ADAMTSL1: variants seen among roughly 807,000 people sequenced by gnomAD.
ADAMTSL1 encodes ADAMTS like 1.
A neutral mutation model predicts 201.8 loss-of-function variants in ADAMTSL1; 126 were observed. The ratio of observed to expected loss-of-function variants is 0.62; its 90% CI spans 0.54 to 0.72. The LOEUF (loss-of-function observed/expected upper bound fraction) is 0.72. Among genes scored for constraint, ADAMTSL1 ranks in the 30% least tolerant of loss-of-function variants. ADAMTSL1 has a pLI of 0.00. For synonymous variants in ADAMTSL1, 1,121 were observed against 903.4 expected, an observed-to-expected ratio of 1.24 and a Z score of -4.32; for missense variants, 2,679 against 2,277.8, an observed-to-expected ratio of 1.18 and a Z score of -3.59.
At chr9:18,564,561 C>G (rs1251143870) in intron 3 of ADAMTSL1, among the ~76,000 whole-genome samples, 1 of 152,190 alleles carries the variant, frequency 6.6e-6, no homozygotes, top group Non-Finnish European at 1.5e-5. Context: ...TGAAATAGCT[C>G]TCCTATACTA....
chr9:18,052,492 C>T (rs1209557944), intron 1 of ADAMTSL1, among the ~76,000 whole-genome samples: 1 of 152,060 alleles, frequency 6.6e-6, no homozygotes. Context: ...TGAGAGTGGA[C>T]GAATTTGCTG....
At chr9:18,050,903 T>A (rs1376191102) in intron 1 of ADAMTSL1, among the ~76,000 whole-genome samples, 2 of 152,344 alleles carry the variant, frequency 1.3e-5, no homozygotes, top group Non-Finnish European at 2.9e-5. Flanking sequence ...TACCATTGCA[T>A]GTCAATTGGA....
intron 23 of ADAMTSL1, among the ~76,000 whole-genome samples, chr9:18,854,608 A>T (rs1826726106): frequency 6.6e-6 from 1 of 152,154 alleles, no homozygotes; most frequent in Non-Finnish European, 1.5e-5. Flanking sequence ...TGGATGCTAG[A>T]GATGTCGGTA....
At chr9:18,212,904 GA>G (rs1460855619) in intron 2 of ADAMTSL1, among the ~76,000 whole-genome samples, 1 of 152,134 alleles carries the variant, frequency 6.6e-6, no homozygotes, top group Non-Finnish European at 1.5e-5. Context: ...AACAACACCT[GA>G]AAGTCTTATT....
chr9:17,969,624 C>G (rs545153016), intron 1 of ADAMTSL1, among the ~76,000 whole-genome samples: 1 of 152,104 alleles, frequency 6.6e-6, no homozygotes, highest in East Asian at 1.9e-4. Context: ...AAAATGAGAT[C>G]TGAAGAAATA....
chr9:18,367,206 C>T (rs1318167046), intron 2 of ADAMTSL1, among the ~76,000 whole-genome samples: 5 of 152,148 alleles, frequency 3.3e-5, no homozygotes, highest in African/African-American at 1.2e-4. Flanking sequence ...CAAAAAATAA[C>T]TGTGACAAGA....
At chr9:17,955,158 T>C (rs1328523525) in intron 1 of ADAMTSL1, among the ~76,000 whole-genome samples, 2 of 152,202 alleles carry the variant, frequency 1.3e-5, no homozygotes, top group Non-Finnish European at 2.9e-5. Flanking sequence ...TGAATATACA[T>C]GCCATGACTT....
chr9:18,659,549 G>T (rs945014967), intron 8 of ADAMTSL1, among the ~76,000 whole-genome samples: 1 of 152,246 alleles, frequency 6.6e-6, no homozygotes, highest in Admixed American at 6.5e-5. Flanking sequence ...AGGATGGCTT[G>T]AGGCCAGGAG....
intron 7 of ADAMTSL1, among the ~76,000 whole-genome samples, chr9:18,655,806 T>TAAAAAAAAAAAAAAAAAAAAAAAA (rs56662538): frequency 1.7e-4 from 14 of 81,846 alleles, no homozygotes; most frequent in Non-Finnish European, 2.1e-4. Flanking sequence ...TTTGTGAGCT[T>TAAAAAAAAAAAAAAAAAAAAAAAA]AAAAAAAAAA....
intron 23 of ADAMTSL1, among the ~76,000 whole-genome samples, chr9:18,882,277 C>A (rs1239463098): frequency 6.6e-6 from 1 of 152,148 alleles, no homozygotes; most frequent in Non-Finnish European, 1.5e-5. Context: ...ATCTCATCAG[C>A]CTCACCAGGG....
chr9:18,381,844 T>C (rs919258993), intron 2 of ADAMTSL1, among the ~76,000 whole-genome samples: 2 of 151,898 alleles, frequency 1.3e-5, no homozygotes, highest in African/African-American at 4.8e-5. Flanking sequence ...CCGTCATCAG[T>C]AAGGATGATT....
At chr9:18,195,085 T>C (rs537812794) in intron 2 of ADAMTSL1, among the ~76,000 whole-genome samples, 27 of 152,284 alleles carry the variant, frequency 1.8e-4, no homozygotes, top group Non-Finnish European at 3.1e-4. Context: ...CTTAATATGG[T>C]ACCTGTCATA....
chr9:18,065,557 A>T (rs1347262319), intron 1 of ADAMTSL1, among the ~76,000 whole-genome samples: 1 of 152,340 alleles, frequency 6.6e-6, no homozygotes, highest in African/African-American at 2.4e-5. Flanking sequence ...CAGGTCGTAG[A>T]TGAAAAGTAA....
chr9:17,941,850 T>A (rs1453825783), intron 1 of ADAMTSL1, among the ~76,000 whole-genome samples: 1 of 152,106 alleles, frequency 6.6e-6, no homozygotes, highest in Non-Finnish European at 1.5e-5. Context: ...TGAGGTTTGA[T>A]GAGGGTCTAC....
chr9:18,657,969 C>T (rs34509994), intron 8 of ADAMTSL1, among the ~76,000 whole-genome samples: 28,786 of 137,042 alleles, frequency 0.21, 2,799 homozygotes, highest in Middle Eastern at 0.26. Flanking sequence ...TTAGAGGAAA[C>T]AGTCTTTTTT....
intron 4 of ADAMTSL1, among the ~76,000 whole-genome samples, chr9:18,612,232 CT>C (rs1487670217): frequency 6.6e-6 from 1 of 152,206 alleles, no homozygotes; most frequent in East Asian, 1.9e-4. Context: ...GGAAATTAAA[CT>C]CTCAGATTAC....
chr9:18,704,102 G>A (rs943315356), intron 13 of ADAMTSL1, among the ~76,000 whole-genome samples: 12 of 151,960 alleles, frequency 7.9e-5, no homozygotes, highest in Non-Finnish European at 1.3e-4. Flanking sequence ...CTATAGCAGG[G>A]GTTGGAAAAC....
At chr9:18,599,996 CAAAAA>C (rs57914274) in intron 4 of ADAMTSL1, among the ~76,000 whole-genome samples, 2 of 86,950 alleles carry the variant, frequency 2.3e-5, no homozygotes, top group Non-Finnish European at 2.1e-5. Context: ...ACTAAAAATA[CAAAAA>C]AAAAAAAAAA....
At chr9:18,765,768 C>G (rs774399720) in intron 16 of ADAMTSL1, among the ~76,000 whole-genome samples, 2 of 152,166 alleles carry the variant, frequency 1.3e-5, no homozygotes, top group African/African-American at 4.8e-5. Flanking sequence ...GAAGCAAAAT[C>G]TCTTCCTTCA....
Sources: gnomAD v4.1 joint callset for allele counts (sites outside exome capture counted in the v4.1 genomes callset) on GRCh38, gnomAD v4.1.1 for gene constraint, MANE v1.5 for transcripts, NCBI Gene and HGNC (gene_info 2026-07-23, HGNC 2026-07-21) for gene names.